Variants in CAMK4 observed in about 807,000 individuals in gnomAD.
CAMK4 encodes the protein calcium/calmodulin-dependent protein kinase type IV.
CAMK4 carries 22 observed loss-of-function variants against 44.9 expected under a neutral mutation model. The ratio of observed to expected loss-of-function variants is 0.49; its 90% CI spans 0.35 to 0.70. The LOEUF is 0.70. Ranked by LOEUF, CAMK4 falls within the 30% of genes least tolerant of loss-of-function variation. The probability of loss-of-function intolerance (pLI) is 0.01; values close to 1 mark genes in which losing one functional copy is unlikely to be tolerated. For missense variants in CAMK4, 498 were observed against 586.8 expected (o/e 0.85, Z 1.56); for synonymous variants, 218 against 215.4 (o/e 1.01, Z -0.11).
At chr5:111,457,441 A>G (rs1358620269) in intron 7 of CAMK4, among the ~76,000 whole-genome samples, 1 of 152,234 alleles carries the variant, frequency 6.6e-6, no homozygotes, top group Non-Finnish European at 1.5e-5. Flanking sequence ...CTAAGATGAC[A>G]CAGCACAATT....
intron 5 of CAMK4, among the ~76,000 whole-genome samples, chr5:111,442,504 CA>C: frequency 7.8e-6 from 1 of 127,840 alleles, no homozygotes; most frequent in South Asian, 2.5e-4. Context: ...AACAAACAAA[CA>C]AAAAACCAAA....
intron 1 of CAMK4, among the ~76,000 whole-genome samples, chr5:111,232,373 ACT>A (rs573207984): frequency 3.3e-5 from 5 of 152,214 alleles, no homozygotes; most frequent in East Asian, 1.9e-4. Context: ...GGAGGGGTAG[ACT>A]CTGAAATTTG....
rs1400612042 is a variant in CAMK4 at position 111,482,697 on chromosome 5, TG to T, written c.829-86del. On this transcript the variant is annotated intron_variant, in intron 9 of 10. Coordinates refer to ENST00000282356, the MANE Select transcript of CAMK4 (RefSeq NM_001744.6). This position sits in a 1 kb window ranked among gnomAD's most constrained non-coding sequence, Gnocchi z 4.9. ...TATATTTAGTGGTACTGCTGGGAAATGGAATAAGATCTGGAAGTTTGTAAGC... is the reference window on the plus strand; with the variant it reads ...TATATTTAGTGGTACTGCTGGGAAATGAATAAGATCTGGAAGTTTGTAAGC... The T allele has an allele frequency of 1.9e-5, 21 of 1,100,810 alleles. No individual in the cohort carries two copies. Among genetic ancestry groups the T allele is most frequent in the Non-Finnish European group, 2.6e-5 (20 of 762,084 alleles). The allele number at this position is 1,100,810 out of a possible 1,614,324, so 68.2% of individuals were successfully genotyped here.
intron 10 of CAMK4, 133 bp from the exon 11 acceptor site, chr5:111,483,893 C>A: frequency 1.8e-6 from 1 of 565,062 alleles, no homozygotes; most frequent in African/African-American, 1.9e-5. Context: ...GGCAAACAAT[C>A]TAGGAATAAG....
chr5:111,324,244 T>C (rs754529513), intron 1 of CAMK4, among the ~76,000 whole-genome samples: 2 of 151,878 alleles, frequency 1.3e-5, no homozygotes, highest in Admixed American at 6.6e-5. Context: ...ATGAACTAAA[T>C]ACTCCAATTC....
chr5:111,385,837 G>A (rs306113), intron 4 of CAMK4, among the ~76,000 whole-genome samples: 133,829 of 152,162 alleles, frequency 0.88, 59,075 homozygotes, highest in East Asian at 1. Flanking sequence ...GCCCTCCCAA[G>A]GTGCTGGGAT....
intron 1 of CAMK4, among the ~76,000 whole-genome samples, chr5:111,227,950 G>A (rs1387666327): frequency 1.3e-5 from 2 of 152,188 alleles, no homozygotes; most frequent in Admixed American, 1.3e-4. Context: ...AGTGATTTGA[G>A]AAACTGGCAT....
intron 1 of CAMK4, among the ~76,000 whole-genome samples, chr5:111,263,179 T>G (rs549618846): frequency 1.3e-5 from 2 of 152,378 alleles, no homozygotes; most frequent in Non-Finnish European, 1.5e-5. Flanking sequence ...TTTCCTTTTT[T>G]CACTCTGTGG....
intron 1 of CAMK4, among the ~76,000 whole-genome samples, chr5:111,263,511 T>A (rs1432416009): frequency 6.6e-6 from 1 of 152,202 alleles, no homozygotes; most frequent in Non-Finnish European, 1.5e-5. Context: ...AGTCTACTTC[T>A]TCCAAACCTT....
At chr5:111,277,178 A>G (rs74353905) in intron 1 of CAMK4, among the ~76,000 whole-genome samples, 4,646 of 152,334 alleles carry the variant, frequency 0.03, 252 homozygotes, top group African/African-American at 0.1. Flanking sequence ...GACAGAACGC[A>G]TGAAGCTCCA....
chr5:111,381,350 C>A (rs934259459), intron 4 of CAMK4, among the ~76,000 whole-genome samples: 1 of 152,106 alleles, frequency 6.6e-6, no homozygotes, highest in Non-Finnish European at 1.5e-5. Context: ...AGTCTGAGTT[C>A]TCAAACCTCA....
At chr5:111,351,603 G>A (rs1433936720) in intron 2 of CAMK4, among the ~76,000 whole-genome samples, 4 of 151,504 alleles carry the variant, frequency 2.6e-5, no homozygotes, top group African/African-American at 9.7e-5. Context: ...GTAGAGATGG[G>A]GTTTCACCGT....
chr5:111,307,927 A>G (rs1747993555), intron 1 of CAMK4, among the ~76,000 whole-genome samples: 1 of 64,818 alleles, frequency 1.5e-5, no homozygotes, highest in African/African-American at 7.9e-5. Flanking sequence ...GCCATAAAAA[A>G]TGATGAGTTC....
rs1747178938 is a variant in CAMK4 at position 111,290,190 on chromosome 5, T to TAA, written c.162-53830_162-53829dup. Among the ~76,000 whole-genome samples the TAA allele has an allele frequency of 6.6e-6, 1 of 152,118 alleles. No individual in the cohort carries two copies. The highest frequency in any genetic ancestry group is 2.4e-5 in the African/African-American group (1 of 41,418). On this transcript the variant is annotated intron_variant, in intron 1 of 10. Transcript: ENST00000282356. This position sits in a 1 kb window ranked among gnomAD's most constrained non-coding sequence, Gnocchi z 4.5. ...GTATAGACGCCTGCTCCCCTACCCA[T>TAA]AAAAATTTTCCTTGAGCTGGAAGCT...
rs73786840 is a variant in CAMK4 at position 111,242,212 on chromosome 5, C to T, written c.161+17568C>T. Among the ~76,000 whole-genome samples the T allele has an allele frequency of 7.9e-3, 1,196 of 152,228 alleles. 16 individuals carry two copies. The highest frequency in any genetic ancestry group is 0.028 in the African/African-American group (1,144 of 41,504). Reference sequence around the variant, plus strand: ...CGGTATTCTGGATTTCTCCTTCACCCCTTCCCCTAATAAGACATATTCTCC... The same window carrying T: ...CGGTATTCTGGATTTCTCCTTCACCTCTTCCCCTAATAAGACATATTCTCC... On this transcript the variant is annotated intron_variant, in intron 1 of 10. Transcript: ENST00000282356.
In CAMK4 at chr5:111,224,491, A is replaced by G; in HGVS notation, c.8A>G (p.Lys3Arg). 1 of 1,603,852 alleles carries G rather than the reference A, an allele frequency of 6.2e-7. No homozygotes were observed. The highest frequency in any genetic ancestry group is 1.1e-5 in the South Asian group (1 of 90,230). Residue 3 changes from lysine (K) to arginine (R), a missense_variant, in exon 1 of 11, where the codon AAA becomes AGA. This residue lies in a region of CAMK4 where 152 missense variants were observed against 143.7 expected (regional missense o/e 1.06). Transcript: ENST00000282356. The surrounding 1 kb of genome is among the most constrained non-coding windows in gnomAD (Gnocchi z 5.7). ...CGGAGTCCCGCTGCGAAGATGCTCA[A>G]AGTCACGGTGCCCTCCTGCTCCGCC... is the stretch of plus-strand genomic sequence containing the variant. ML[K>R]VTVPSCSASS...
At chr5:111,395,166 C>T (rs1158917528) in intron 5 of CAMK4, among the ~76,000 whole-genome samples, 3 of 135,774 alleles carry the variant, frequency 2.2e-5, no homozygotes, top group Admixed American at 8.6e-5. Flanking sequence ...GCCAAGGTCA[C>T]GCCACTGTAC....
At chr5:111,370,119 G>A (rs546360442) in intron 2 of CAMK4, among the ~76,000 whole-genome samples, 6 of 152,208 alleles carry the variant, frequency 3.9e-5, no homozygotes, top group South Asian at 2.1e-4. Flanking sequence ...GTGGAGTATC[G>A]TGGAAAAATA....
At chr5:111,468,665 C>A (rs181015649) in intron 7 of CAMK4, among the ~76,000 whole-genome samples, 4 of 152,238 alleles carry the variant, frequency 2.6e-5, no homozygotes. Context: ...TGAACAAAGT[C>A]AATGCCATAT....
Sources: gnomAD v4.1 joint callset for allele counts (sites outside exome capture counted in the v4.1 genomes callset) on GRCh38, gnomAD v4.1.1 for gene constraint, gnomAD v4.1.1 regional missense constraint, Gnocchi (gnomAD v3.1) non-coding constraint, MANE v1.5 for transcripts, NCBI Gene and HGNC (gene_info 2026-07-23, HGNC 2026-07-21) for gene names.